RNF157: variants seen among roughly 807,000 people sequenced by gnomAD.
RNF157 encodes ring finger protein 157.
In RNF157, 55 loss-of-function variants were observed where a neutral mutation model predicts 88.3. The observed-to-expected ratio is 0.62, with a 90% confidence interval of 0.50 to 0.78. The LOEUF (loss-of-function observed/expected upper bound fraction) is 0.78, where lower values mean the gene tolerates loss of function less well. Ranked by LOEUF, RNF157 falls within the 30% of genes least tolerant of loss-of-function variation. RNF157 has a pLI of 0.00. For synonymous variants in RNF157, 334 were observed against 341.2 expected (o/e 0.98, Z 0.23); for missense variants, 788 against 860.8 (o/e 0.92, Z 1.06).
chr17:76,205,067 G>C (rs573590063), intron 2 of RNF157, among the ~76,000 whole-genome samples: 5 of 151,338 alleles, frequency 3.3e-5, no homozygotes, highest in Admixed American at 6.6e-5. Flanking sequence ...GATTAGAGGC[G>C]TGAGCCACCA....
chr17:76,162,874 A>G (rs994134282), intron 8 of RNF157: 1 of 372,214 alleles, frequency 2.7e-6, no homozygotes, highest in Non-Finnish European at 4.8e-6. Flanking sequence ...CACAAATACA[A>G]TAATAATACT....
At chr17:76,228,997 C>CTTTCA (rs1264449904) in intron 1 of RNF157, among the ~76,000 whole-genome samples, 3 of 152,160 alleles carry the variant, frequency 2.0e-5, no homozygotes, top group East Asian at 3.9e-4. Flanking sequence ...TCATCCTGTC[C>CTTTCA]TTTCACACCA....
At chr17:76,167,908 G>T in intron 3 of RNF157, 111 bp from the exon 4 acceptor site, 1 of 1,019,024 alleles carries the variant, frequency 9.8e-7, no homozygotes. Flanking sequence ...CATAAGCATA[G>T]GTCTACCTCT....
At chr17:76,223,049 C>T (rs1285538008) in intron 1 of RNF157, among the ~76,000 whole-genome samples, 2 of 152,032 alleles carry the variant, frequency 1.3e-5, no homozygotes, top group Non-Finnish European at 2.9e-5. Context: ...CGCCACCATG[C>T]CTGGCTAATT....
At chr17:76,182,106 C>A (rs1242512784) in intron 2 of RNF157, among the ~76,000 whole-genome samples, 3 of 152,044 alleles carry the variant, frequency 2.0e-5, no homozygotes, top group Non-Finnish European at 4.4e-5. Context: ...TGCTTGGATA[C>A]AACATCCTCC....
At chr17:76,211,283 T>C (rs967345828) in intron 2 of RNF157, among the ~76,000 whole-genome samples, 1 of 152,232 alleles carries the variant, frequency 6.6e-6, no homozygotes, top group Non-Finnish European at 1.5e-5. Flanking sequence ...GCTCTACTCC[T>C]GGAAAGGCCT....
At chr17:76,228,905 C>A (rs1244403784) in intron 1 of RNF157, among the ~76,000 whole-genome samples, 1 of 151,750 alleles carries the variant, frequency 6.6e-6, no homozygotes, top group East Asian at 1.9e-4. Flanking sequence ...GCCTGGGCGA[C>A]AGAGTGAGAC....
At chr17:76,226,547 T>C (rs2070089603) in intron 1 of RNF157, 2 of 1,613,642 alleles carry the variant, frequency 1.2e-6, no homozygotes, top group Non-Finnish European at 1.7e-6. Context: ...ATCCATTTTC[T>C]CCAACATCCA....
chr17:76,190,924 T>C (rs909790417), intron 2 of RNF157, among the ~76,000 whole-genome samples: 5 of 150,280 alleles, frequency 3.3e-5, no homozygotes, highest in African/African-American at 1.2e-4. Context: ...AAAAAAAAGT[T>C]TACACGGCTG....
chr17:76,230,444 C>G (rs1432569408), intron 1 of RNF157, among the ~76,000 whole-genome samples: 1 of 152,130 alleles, frequency 6.6e-6, no homozygotes, highest in African/African-American at 2.4e-5. Context: ...GAGTCAAGAC[C>G]TTAGCCTTTT....
chr17:76,148,765 T>G (rs376824849), intron 18 of RNF157, among the ~76,000 whole-genome samples: 14 of 152,126 alleles, frequency 9.2e-5, no homozygotes, highest in Middle Eastern at 3.4e-3. Flanking sequence ...GAGATGGGGT[T>G]TCACTGCATT....
intron 2 of RNF157, among the ~76,000 whole-genome samples, chr17:76,202,360 G>A (rs2069599438): frequency 6.6e-6 from 1 of 152,188 alleles, no homozygotes; most frequent in Non-Finnish European, 1.5e-5. Flanking sequence ...TCCTTGGAGT[G>A]TCCTTTGCCT....
chr17:76,226,494 G>A (rs2070088740), intron 1 of RNF157: 1 of 1,611,742 alleles, frequency 6.2e-7, no homozygotes, highest in Non-Finnish European at 8.5e-7. Context: ...ATGGTTTCCA[G>A]GTCATCTATA....
chr17:76,223,189 C>CTT (rs753507516), intron 1 of RNF157, among the ~76,000 whole-genome samples: 1 of 134,898 alleles, frequency 7.4e-6, no homozygotes. Context: ...CGCACCCGGC[C>CTT]TTTTTTTTTT....
At chr17:76,191,115 T>C (rs958636543) in intron 2 of RNF157, among the ~76,000 whole-genome samples, 5 of 152,284 alleles carry the variant, frequency 3.3e-5, no homozygotes, top group African/African-American at 7.2e-5. Context: ...GTAGAAAATA[T>C]GGCTAAGGAC....
At chr17:76,158,992 C>T (rs768874062) in intron 12 of RNF157, among the ~76,000 whole-genome samples, 4 of 152,144 alleles carry the variant, frequency 2.6e-5, no homozygotes, top group Admixed American at 6.5e-5. Context: ...TTAAGAGATA[C>T]GGATCACAAG....
chr17:76,152,229 C>T (rs745466324), intron 18 of RNF157, 126 bp downstream of exon 18: 3 of 688,814 alleles, frequency 4.4e-6, no homozygotes, highest in South Asian at 1.7e-5. Flanking sequence ...GTCTCCAGCA[C>T]TAGCACACCC....
intron 2 of RNF157, among the ~76,000 whole-genome samples, chr17:76,206,525 C>A (rs150535542): frequency 4.6e-5 from 7 of 152,320 alleles, no homozygotes; most frequent in Admixed American, 2.0e-4. Context: ...AGTGAAGAGG[C>A]CGGCCAAGGT....
intron 2 of RNF157, among the ~76,000 whole-genome samples, chr17:76,190,170 C>CTTT (rs71161273): frequency 0.022 from 2,755 of 123,518 alleles, 70 homozygotes; most frequent in African/African-American, 0.061. Flanking sequence ...CTTGCTCTCT[C>CTTT]TTTTTTTTTT....
Sources: allele counts gnomAD v4.1 joint callset (sites outside exome capture counted in the v4.1 genomes callset), GRCh38; gene constraint gnomAD v4.1.1; transcripts MANE v1.5; gene names NCBI Gene and HGNC (gene_info 2026-07-23, HGNC 2026-07-21).